Variants in NAT1 observed in about 807,000 individuals in gnomAD.
NAT1 encodes the protein arylamine N-acetyltransferase 1.
For synonymous variants in NAT1, 144 were observed against 122.6 expected, an observed-to-expected ratio of 1.17 and a Z score of -1.16; for missense variants, 400 against 339.2, an observed-to-expected ratio of 1.18 and a Z score of -1.41.
At chr8:18,176,118 G>C (rs1274669662) in intron 2 of NAT1, among the ~76,000 whole-genome samples, 1 of 152,084 alleles carries the variant, frequency 6.6e-6, no homozygotes, top group Non-Finnish European at 1.5e-5. Context: ...TTGCTTATCA[G>C]ATGTATGGCT....
At chr8:18,205,491 G>C (rs968730309), upstream of NAT1, among the ~76,000 whole-genome samples, 1 of 152,274 alleles carries the variant, frequency 6.6e-6, no homozygotes, top group African/African-American at 2.4e-5. Context: ...CACAAGAGTG[G>C]GGCACTGGCG....
chr8:18,220,799 C>T (rs1047938441), intron 2 of NAT1, among the ~76,000 whole-genome samples: 12 of 147,836 alleles, frequency 8.1e-5, no homozygotes, highest in Admixed American at 2.0e-4. Flanking sequence ...AGAATGTACA[C>T]GCTTAGGTTT....
At chr8:18,210,349 T>A (rs566705974) in intron 1 of NAT1, among the ~76,000 whole-genome samples, 169 bp downstream of exon 1, 2 of 152,322 alleles carry the variant, frequency 1.3e-5, no homozygotes, top group Admixed American at 1.3e-4. Flanking sequence ...CACAGCTTAG[T>A]GGTGACAGTT....
intron 2 of NAT1, among the ~76,000 whole-genome samples, chr8:18,194,676 C>T (rs1200973507): frequency 2.0e-5 from 3 of 151,814 alleles, no homozygotes; most frequent in Non-Finnish European, 4.4e-5. Context: ...AAAAATTAGC[C>T]GGGCATGGTG....
At chr8:18,206,467 C>T (rs769929012), upstream of NAT1, among the ~76,000 whole-genome samples, 37 of 152,180 alleles carry the variant, frequency 2.4e-4, no homozygotes, top group Non-Finnish European at 4.3e-4. Context: ...GAATGCTATT[C>T]CTCTAAGATC....
intron 2 of NAT1, among the ~76,000 whole-genome samples, chr8:18,220,607 G>A (rs1805180519): frequency 6.6e-6 from 1 of 152,040 alleles, no homozygotes; most frequent in South Asian, 2.1e-4. Context: ...ATAGCTTTCG[G>A]CTTCATTCAG....
chr8:18,208,199 T>C (rs944827985), upstream of NAT1, among the ~76,000 whole-genome samples: 7 of 151,912 alleles, frequency 4.6e-5, no homozygotes, highest in Non-Finnish European at 7.4e-5. Flanking sequence ...GATGATAGGT[T>C]GATAGGTGCA....
chr8:18,194,889 G>A (rs1025293144), intron 2 of NAT1, among the ~76,000 whole-genome samples: 7 of 151,826 alleles, frequency 4.6e-5, no homozygotes, highest in East Asian at 1.9e-4. Context: ...TGGATTCATC[G>A]TCTTCTCTCC....
intron 2 of NAT1, among the ~76,000 whole-genome samples, chr8:18,192,516 T>C (rs960653137): frequency 5.3e-5 from 8 of 152,310 alleles, no homozygotes; most frequent in African/African-American, 1.9e-4. Context: ...CTATAAATCA[T>C]GCTGCTATAA....
intron 2 of NAT1, among the ~76,000 whole-genome samples, chr8:18,176,582 G>A (rs556556717): frequency 4.2e-5 from 6 of 142,598 alleles, no homozygotes; most frequent in African/African-American, 1.6e-4. Context: ...TTATGCCAGT[G>A]CCATGCTGTT....
chr8:18,191,146 A>T (rs1246284310), intron 2 of NAT1, among the ~76,000 whole-genome samples: 1 of 152,244 alleles, frequency 6.6e-6, no homozygotes, highest in Non-Finnish European at 1.5e-5. Context: ...AGAACTATGG[A>T]TCAAATATTA....
At chr8:18,201,829 T>C (rs537450939) in intron 2 of NAT1, among the ~76,000 whole-genome samples, 1 of 152,328 alleles carries the variant, frequency 6.6e-6, no homozygotes, top group South Asian at 2.1e-4. Flanking sequence ...CTTCCAGCCG[T>C]GGCTGTTTTT....
chr8:18,203,367 T>C (rs1803559755), intron 2 of NAT1, among the ~76,000 whole-genome samples: 1 of 152,230 alleles, frequency 6.6e-6, no homozygotes, highest in Admixed American at 6.5e-5. Flanking sequence ...AATAGAAATG[T>C]GTTCAGAATC....
chr8:18,206,556 G>GA (rs1348389711), upstream of NAT1, among the ~76,000 whole-genome samples: 1 of 152,068 alleles, frequency 6.6e-6, no homozygotes, highest in Non-Finnish European at 1.5e-5. Context: ...AATTAGTCGA[G>GA]AAAAAAATAA....
intron 2 of NAT1, among the ~76,000 whole-genome samples, chr8:18,195,502 G>A (rs912461642): frequency 6.6e-6 from 1 of 152,038 alleles, no homozygotes; most frequent in Non-Finnish European, 1.5e-5. Context: ...TGCTGCCCTT[G>A]GTGGAAGTTT....
At chr8:18,193,114 T>C (rs967939943) in intron 2 of NAT1, among the ~76,000 whole-genome samples, 34 of 140,278 alleles carry the variant, frequency 2.4e-4, no homozygotes, top group Non-Finnish European at 3.4e-4. Context: ...TCTCTCAGTC[T>C]GTTGCCCAGG....
At chr8:18,198,808 T>C (rs1803341583) in intron 2 of NAT1, among the ~76,000 whole-genome samples, 2 of 152,218 alleles carry the variant, frequency 1.3e-5, no homozygotes, top group African/African-American at 2.4e-5. Context: ...GTCACTTCTG[T>C]GGGCTGCCTT....
chr8:18,208,661 C>T (rs543399373), upstream of NAT1, among the ~76,000 whole-genome samples: 1 of 152,202 alleles, frequency 6.6e-6, no homozygotes, highest in Non-Finnish European at 1.5e-5. Flanking sequence ...CAGAGTCTAC[C>T]TCCTTAGGAA....
chr8:18,220,351 G>C (rs1805154658), intron 2 of NAT1, among the ~76,000 whole-genome samples: 1 of 152,074 alleles, frequency 6.6e-6, no homozygotes, highest in East Asian at 1.9e-4. Context: ...AATGTTATGA[G>C]AAGGGAAAAT....
Sources: allele counts gnomAD v4.1 joint callset (sites outside exome capture counted in the v4.1 genomes callset), GRCh38; gene constraint gnomAD v4.1.1; transcripts MANE v1.5; gene names NCBI Gene and HGNC (gene_info 2026-07-23, HGNC 2026-07-21).